Variants in SMYD3 observed in about 807,000 individuals in gnomAD.
The protein encoded by SMYD3 is histone-lysine N-methyltransferase SMYD3.
In SMYD3, 36 loss-of-function variants were observed where a neutral mutation model predicts 57.7. The observed-to-expected ratio is 0.62, with a 90% CI of 0.48 to 0.82. The LOEUF is 0.82. Ranked by LOEUF, SMYD3 falls within the 40% of genes least tolerant of loss-of-function variation. The probability of loss-of-function intolerance (pLI) is 0.00; values close to 1 mark genes in which losing one functional copy is unlikely to be tolerated. For synonymous variants in SMYD3, 211 were observed against 195.0 expected (o/e 1.08, Z -0.68); for missense variants, 515 against 538.8 (o/e 0.96, Z 0.44).
In SMYD3 at chr1:245,915,562, A is replaced by G. The variant is rs2147775940; in HGVS notation, c.781T>C (p.Cys261Arg). 4.3e-6 allele frequency: 7 copies of G among 1,613,996 alleles called. No individual in the cohort carries two copies. The highest frequency in any genetic ancestry group is 5.1e-6 in the Non-Finnish European group (6 of 1,179,916). Residue 261 changes from cysteine to arginine, a missense_variant, in exon 8 of 12, where the codon TGT (cysteine) becomes CGT (arginine). By Grantham distance (180) the Cys-to-Arg change is radical (BLOSUM62 -3). Transcript: ENST00000490107. ...TGGGTTTGGCAACGGAAACAGTCAC[A>G]TTCAAAGCAGTACTGGTCCCTCAGC... ...KQLRDQYCFE[C>R]DCFRCQTQDK...
At chr1:245,865,240 G>A (rs9287186) in intron 8 of SMYD3, among the ~76,000 whole-genome samples, 84,483 of 152,038 alleles carry the variant, frequency 0.56, 26,667 homozygotes, top group Non-Finnish European at 0.73. Flanking sequence ...TGTATGTAAG[G>A]TCAAATCCCA....
At chr1:245,995,490 G>A (rs1328459647) in intron 5 of SMYD3, among the ~76,000 whole-genome samples, 1 of 152,254 alleles carries the variant, frequency 6.6e-6, no homozygotes, top group Non-Finnish European at 1.5e-5. Context: ...ATTTACAGAT[G>A]ATACAATTAT....
intron 11 of SMYD3, among the ~76,000 whole-genome samples, chr1:245,751,591 AG>A (rs1450842176): frequency 3.9e-4 from 27 of 69,564 alleles, no homozygotes; most frequent in African/African-American, 1.4e-3. Context: ...AGAGAGAGAG[AG>A]AAAGAGAGAG....
At chr1:246,180,482 G>A (rs898798251) in intron 5 of SMYD3, among the ~76,000 whole-genome samples, 2 of 150,636 alleles carry the variant, frequency 1.3e-5, no homozygotes, top group Non-Finnish European at 3.0e-5. Context: ...GTTAGGCCGG[G>A]TGTGGTGGTT....
At chr1:246,383,941 T>TACCCATTTCCTA in intron 1 of SMYD3, among the ~76,000 whole-genome samples, 1 of 152,144 alleles carries the variant, frequency 6.6e-6, no homozygotes. Flanking sequence ...GAAACATTTA[T>TACCCATTTCCTA]AGTCAAGGGA....
chr1:246,130,239 A>G (rs2061567974), intron 5 of SMYD3, among the ~76,000 whole-genome samples: 2 of 152,190 alleles, frequency 1.3e-5, no homozygotes, highest in Admixed American at 1.3e-4. Flanking sequence ...TTTAATATGT[A>G]GACAAAATTA....
intron 5 of SMYD3, among the ~76,000 whole-genome samples, chr1:246,092,312 C>T (rs931641025): frequency 1.2e-4 from 19 of 152,134 alleles, no homozygotes; most frequent in Non-Finnish European, 2.8e-4. Context: ...CAAGACCCAT[C>T]AGAAAAGAGG....
chr1:245,797,591 G>C (rs1315562185), intron 10 of SMYD3, among the ~76,000 whole-genome samples: 1 of 151,602 alleles, frequency 6.6e-6, no homozygotes, highest in African/African-American at 2.4e-5. Flanking sequence ...AAGTTAATGG[G>C]TGCAGCACAC....
chr1:246,235,622 C>G (rs1034173011), intron 5 of SMYD3, among the ~76,000 whole-genome samples: 1 of 152,154 alleles, frequency 6.6e-6, no homozygotes, highest in African/African-American at 2.4e-5. Flanking sequence ...AGTACCAACT[C>G]AAAACAGACC....
At chr1:245,791,768 C>A (rs1440835408) in intron 10 of SMYD3, among the ~76,000 whole-genome samples, 2 of 152,126 alleles carry the variant, frequency 1.3e-5, no homozygotes, top group African/African-American at 4.8e-5. Context: ...TGTTTGGAAG[C>A]CACTGAAAAC....
intron 5 of SMYD3, among the ~76,000 whole-genome samples, chr1:246,040,953 T>C (rs80113785): frequency 0.017 from 2,624 of 152,326 alleles, 41 homozygotes; most frequent in African/African-American, 0.037. Context: ...AAGACAGATA[T>C]ATAGTCACGC....
chr1:246,404,189 G>A (rs564886547), intron 1 of SMYD3, among the ~76,000 whole-genome samples: 10 of 152,276 alleles, frequency 6.6e-5, no homozygotes, highest in Middle Eastern at 3.4e-3. Context: ...GGTGGCCACC[G>A]CTGCTGAGGT....
At chr1:245,806,828 T>C (rs1001456221) in intron 10 of SMYD3, among the ~76,000 whole-genome samples, 2 of 138,860 alleles carry the variant, frequency 1.4e-5, no homozygotes, top group Non-Finnish European at 3.0e-5. Context: ...GAGAATGGCG[T>C]GAACCCGGGA....
chr1:246,350,337 A>G (rs1198778774), intron 2 of SMYD3, among the ~76,000 whole-genome samples: 1 of 152,270 alleles, frequency 6.6e-6, no homozygotes, highest in Non-Finnish European at 1.5e-5. Flanking sequence ...ACCAGGACTT[A>G]GAGCATAATA....
At chr1:245,964,267 T>A (rs1008856772) in intron 5 of SMYD3, among the ~76,000 whole-genome samples, 8 of 152,098 alleles carry the variant, frequency 5.3e-5, no homozygotes, top group African/African-American at 7.2e-5. Flanking sequence ...ACCCCCATGA[T>A]CCAAAACCTC....
chr1:246,318,454 G>T (rs933117837), intron 5 of SMYD3, among the ~76,000 whole-genome samples: 1 of 152,176 alleles, frequency 6.6e-6, no homozygotes, highest in Non-Finnish European at 1.5e-5. Context: ...AAGGGATACT[G>T]TTTTCTCACA....
At chr1:246,154,127 T>C (rs2061985113) in intron 5 of SMYD3, among the ~76,000 whole-genome samples, 1 of 152,214 alleles carries the variant, frequency 6.6e-6, no homozygotes, top group Non-Finnish European at 1.5e-5. Context: ...GCTTTGGCTA[T>C]ATCCACTCAT....
intron 5 of SMYD3, among the ~76,000 whole-genome samples, chr1:246,065,789 T>G (rs141577586): frequency 8.2e-4 from 125 of 152,308 alleles, no homozygotes; most frequent in African/African-American, 2.8e-3. Flanking sequence ...GACAACCTCC[T>G]AAGTAAAACA....
intron 5 of SMYD3, among the ~76,000 whole-genome samples, chr1:246,187,448 A>G (rs1048987633): frequency 1.3e-5 from 2 of 152,208 alleles, no homozygotes; most frequent in Non-Finnish European, 2.9e-5. Context: ...AGAGAACAGA[A>G]AGCAAGGAAT....
Sources: allele counts gnomAD v4.1 joint callset (sites outside exome capture counted in the v4.1 genomes callset), GRCh38; gene constraint gnomAD v4.1.1; transcripts MANE v1.5; gene names NCBI Gene and HGNC (gene_info 2026-07-23, HGNC 2026-07-21).